Variants in ATP8B4 observed in about 807,000 individuals in gnomAD.
The protein encoded by ATP8B4 is ATPase phospholipid transporting 8B4 (putative).
ATP8B4 carries 133 observed loss-of-function variants against 145.6 expected under a neutral mutation model. That is an observed-to-expected ratio of 0.91 (90% CI 0.79 to 1.05). The LOEUF (loss-of-function observed/expected upper bound fraction) is 1.05. Among genes scored for constraint, ATP8B4 ranks in the 50% least tolerant of loss-of-function variants. ATP8B4 has a pLI of 0.00. For missense variants in ATP8B4, 1,458 were observed against 1,425.2 expected (o/e 1.02, Z -0.37); for synonymous variants, 507 against 492.9 (o/e 1.03, Z -0.38).
chr15:49,914,175 C>A (rs563560450), intron 20 of ATP8B4, among the ~76,000 whole-genome samples: 1 of 152,168 alleles, frequency 6.6e-6, no homozygotes, highest in African/African-American at 2.4e-5. Flanking sequence ...TAAATCCAAA[C>A]ATTTACAGTC....
chr15:50,174,049 A>T (rs764169116), intron 1 of ATP8B4, among the ~76,000 whole-genome samples: 2 of 152,220 alleles, frequency 1.3e-5, no homozygotes, highest in Non-Finnish European at 2.9e-5. Context: ...AAATCACATG[A>T]TCATCTCAAT....
At chr15:49,922,160 T>C (rs2040322884) in intron 17 of ATP8B4, 1 of 172,538 alleles carries the variant, frequency 5.8e-6, no homozygotes, top group Non-Finnish European at 1.2e-5. Context: ...ATTTAAGACC[T>C]CAGAATCTAG....
rs543030775 is a variant in ATP8B4 at position 49,947,510 on chromosome 15, G to A, written c.1288-13328C>T. ...CAAATAAATGAATATGTATCCAATG[G>A]TCATGGAGTAGAAGACTTAATATTG... On this transcript the variant is annotated intron_variant, in intron 14 of 27. Coordinates refer to ENST00000284509, the MANE Select transcript of ATP8B4 (RefSeq NM_024837.4). Among the ~76,000 whole-genome samples the A allele has an allele frequency of 3.3e-5, 5 of 151,832 alleles. No individual in the cohort carries two copies. In the South Asian group the frequency reaches 1.0e-3, roughly 32 times the overall value.
intron 1 of ATP8B4, among the ~76,000 whole-genome samples, chr15:50,175,850 AT>A (rs972972766): frequency 7.2e-5 from 11 of 152,312 alleles, no homozygotes; most frequent in African/African-American, 2.6e-4. Context: ...ACTGCTGGGT[AT>A]CTACCCAAAG....
At chr15:50,097,512 G>A (rs1047593190) in intron 2 of ATP8B4, among the ~76,000 whole-genome samples, 4 of 152,180 alleles carry the variant, frequency 2.6e-5, no homozygotes, top group African/African-American at 4.8e-5. Context: ...AAGAGAAGTC[G>A]TTGTAAATGC....
chr15:49,928,740 AG>A (rs2040968533), intron 16 of ATP8B4, among the ~76,000 whole-genome samples: 1 of 152,120 alleles, frequency 6.6e-6, no homozygotes, highest in African/African-American at 2.4e-5. Flanking sequence ...ATGATTAAAA[AG>A]GGGTTTATGA....
intron 1 of ATP8B4, among the ~76,000 whole-genome samples, chr15:50,146,655 T>C (rs1268262770): frequency 1.3e-5 from 2 of 152,214 alleles, no homozygotes; most frequent in African/African-American, 2.4e-5. Flanking sequence ...TTTCCTTAGT[T>C]CAGCTAAAGA....
At chr15:50,043,922 C>T (rs921026961) in intron 5 of ATP8B4, among the ~76,000 whole-genome samples, 19 of 146,788 alleles carry the variant, frequency 1.3e-4, no homozygotes, top group African/African-American at 3.0e-4. Flanking sequence ...CACTGCAGTC[C>T]GCAGTCCGGC....
At chr15:50,118,523 CAATT>C (rs1356546798) in intron 1 of ATP8B4, among the ~76,000 whole-genome samples, 3 of 152,128 alleles carry the variant, frequency 2.0e-5, no homozygotes, top group African/African-American at 4.8e-5. Flanking sequence ...CTTCAGCTTC[CAATT>C]AATGTTTTTC....
chr15:50,111,575 G>A (rs1397002592), intron 1 of ATP8B4, among the ~76,000 whole-genome samples: 1 of 152,178 alleles, frequency 6.6e-6, no homozygotes, highest in African/African-American at 2.4e-5. Context: ...CCTCGGAGCT[G>A]TTCGGGGGGA....
intron 1 of ATP8B4, among the ~76,000 whole-genome samples, chr15:50,140,996 T>C (rs2044199863): frequency 1.3e-5 from 2 of 152,184 alleles, no homozygotes. Context: ...TAGTACCTTC[T>C]AGAACTCCAT....
intron 2 of ATP8B4, among the ~76,000 whole-genome samples, chr15:50,084,048 C>T (rs2054731581): frequency 6.6e-6 from 1 of 152,152 alleles, no homozygotes; most frequent in South Asian, 2.1e-4. Context: ...CTGCCTGTCC[C>T]AGGCAGCTCT....
At position 49,962,024 on chromosome 15, in the gene ATP8B4, A is replaced by C. The variant is rs764748550; in HGVS notation, c.1244-4T>G. On this transcript the variant is annotated splice_region_variant and splice_polypyrimidine_tract_variant and intron_variant, in intron 13 of 27. Coordinates refer to ENST00000284509, the MANE Select transcript of ATP8B4 (RefSeq NM_024837.4). ...TCCAGGTCATCATGTACTTCACCTG[A>C]CAAAACAAAAATTGAGAATTAAAAG... is the stretch of plus-strand genomic sequence containing the variant. The C allele has an allele frequency of 1.3e-5, 21 of 1,591,030 alleles. 1 individual carries two copies. The South Asian group carries it at 2.3e-4, about 17-fold the overall frequency.
intron 1 of ATP8B4, among the ~76,000 whole-genome samples, chr15:50,157,704 G>C (rs1445460486): frequency 6.6e-6 from 1 of 151,480 alleles, no homozygotes; most frequent in Non-Finnish European, 1.5e-5. Flanking sequence ...GCTTTGGGTA[G>C]TATGGACCCT....
chr15:50,002,670 AAAAAT>A (rs1246347196), intron 7 of ATP8B4, among the ~76,000 whole-genome samples: 32 of 152,082 alleles, frequency 2.1e-4, no homozygotes, highest in African/African-American at 7.5e-4. Context: ...AGGAAACTGA[AAAAAT>A]AAAATAAAAA....
At chr15:49,911,415 A>C (rs970085877) in intron 20 of ATP8B4, among the ~76,000 whole-genome samples, 2 of 152,154 alleles carry the variant, frequency 1.3e-5, no homozygotes, top group Non-Finnish European at 2.9e-5. Context: ...AAATAGTAAA[A>C]AGAGCCAAAA....
At chr15:50,024,914 G>A (rs1327008398) in intron 6 of ATP8B4, among the ~76,000 whole-genome samples, 2 of 152,110 alleles carry the variant, frequency 1.3e-5, no homozygotes, top group Admixed American at 6.6e-5. Flanking sequence ...CTTGGTATCC[G>A]AGGACCTCAC....
chr15:49,931,332 T>C (rs765487658), intron 15 of ATP8B4, 25 bp from the exon 16 acceptor site: 22 of 1,596,342 alleles, frequency 1.4e-5, no homozygotes, highest in Non-Finnish European at 1.8e-5. Flanking sequence ...AACAAGTGTA[T>C]CAATACTGAC....
Position 49,987,548 on chromosome 15 carries a change from C to A in ATP8B4, c.591G>T (p.Gly197=), listed in dbSNP as rs764897696. 104 of 1,610,676 alleles carry A rather than the reference C, an allele frequency of 6.5e-5. No homozygotes were observed. Among genetic ancestry groups the A allele is most frequent in the Non-Finnish European group, 8.0e-5 (94 of 1,178,832 alleles). The stretch of plus-strand genomic sequence containing the variant: ...TGTTAGGCACCTCACAGACAACAAT[C>A]CCTGGAAAATAAAAAAACAAAACAA... ...ADISRLAGFD[G]IVVCEVPNNK... is the part of the protein sequence containing the mutation. Residue 197 remains glycine, a splice_region_variant and synonymous_variant, in exon 10 of 28, where the codon GGG becomes GGT. Transcript: ENST00000284509.
Sources: allele counts gnomAD v4.1 joint callset (sites outside exome capture counted in the v4.1 genomes callset), GRCh38; gene constraint gnomAD v4.1.1; transcripts MANE v1.5; gene names NCBI Gene and HGNC (gene_info 2026-07-23, HGNC 2026-07-21).